Variants in ADGRE2 observed in about 807,000 individuals in gnomAD.
The protein encoded by ADGRE2 is adhesion G protein-coupled receptor E2.
Under a neutral mutation model 100.8 loss-of-function variants are expected in ADGRE2, and 83 were observed. That is an observed-to-expected ratio of 0.82 (90% CI 0.69 to 0.99). The LOEUF is 0.99. ADGRE2 is among the 50% of genes least tolerant of loss of function. ADGRE2 has a pLI of 0.00. For missense variants in ADGRE2, 814 were observed against 1,035.7 expected, an observed-to-expected ratio of 0.79 and a Z score of 2.94; for synonymous variants, 355 against 413.0, an observed-to-expected ratio of 0.86 and a Z score of 1.70.
chr19:14,763,877 C>G (rs1056512293), intron 11 of ADGRE2, among the ~76,000 whole-genome samples: 11 of 105,860 alleles, frequency 1.0e-4, no homozygotes, highest in Admixed American at 5.4e-4. Context: ...CTCCTCCTCC[C>G]GTCCTCTTCC....
In ADGRE2 at chr19:14,735,999, C is replaced by T; in HGVS notation, c.*237G>A. On this transcript the variant is annotated 3_prime_UTR_variant, in exon 21 of 21. Transcript: ENST00000315576. ...TGCTTCAGAGTGACCAAGATATGGG[C>T]CACAGCTGGCCGTCCATATGCTGAG... The T allele has an allele frequency of 2.2e-6, 1 of 450,756 alleles. No homozygotes were observed. Among genetic ancestry groups the T allele is most frequent in the Non-Finnish European group, 4.1e-6 (1 of 241,398 alleles). 27.9% of individuals were successfully genotyped at this position (450,756 alleles called of 1,614,324 possible).
intron 11 of ADGRE2, among the ~76,000 whole-genome samples, chr19:14,761,948 AGTT>A (rs1448698226): frequency 6.6e-6 from 1 of 152,066 alleles, no homozygotes; most frequent in African/African-American, 2.4e-5. Context: ...CAAGAGAGAG[AGTT>A]GTTCTCCTTT....
chr19:14,777,026 TCAG>T, intron 1 of ADGRE2, 99 bp from the exon 2 acceptor site: 1 of 1,151,558 alleles, frequency 8.7e-7, no homozygotes, highest in Non-Finnish European at 1.1e-6. Context: ...GTGTACTCGC[TCAG>T]CAAGAATGAA....
At chr19:14,731,085 C>T, downstream of ADGRE2, 1 of 1,187,210 alleles carries the variant, frequency 8.4e-7, no homozygotes, top group Non-Finnish European at 1.2e-6. Context: ...CACCGCCCCT[C>T]CTGCCCCCTC....
At chr19:14,765,435 ACGG>A (rs2043921888) in intron 9 of ADGRE2, 38 bp from the exon 10 acceptor site, 1 of 1,613,730 alleles carries the variant, frequency 6.2e-7, no homozygotes, top group African/African-American at 1.3e-5. Flanking sequence ...GAGAGCCTGG[ACGG>A]CGGGTGGGAA....
intron 20 of ADGRE2, among the ~76,000 whole-genome samples, chr19:14,743,204 C>T (rs1181132383): frequency 6.6e-6 from 1 of 151,928 alleles, no homozygotes; most frequent in Non-Finnish European, 1.5e-5. Context: ...CTCCCAAATG[C>T]TGGGATGACA....
chr19:14,727,028 T>G, the ADGRE2 span, among the ~76,000 whole-genome samples: 1 of 62,424 alleles, frequency 1.6e-5, no homozygotes, highest in South Asian at 8.9e-4. Context: ...AAGAGGCTTT[T>G]TTTTTTTTTT....
intron 6 of ADGRE2, 99 bp from the exon 7 acceptor site, chr19:14,766,480 T>C: frequency 1.4e-6 from 2 of 1,394,450 alleles, no homozygotes; most frequent in Non-Finnish European, 1.9e-6. Context: ...TGCCTCAGAC[T>C]GAAGACCATT....
At chr19:14,757,163 C>G (rs2043529198) in intron 11 of ADGRE2, among the ~76,000 whole-genome samples, 1 of 152,142 alleles carries the variant, frequency 6.6e-6, no homozygotes, top group African/African-American at 2.4e-5. Context: ...TTGGTGGCCT[C>G]TGACAATATT....
chr19:14,728,904 T>C (rs2042650087), downstream of ADGRE2, among the ~76,000 whole-genome samples: 1 of 152,114 alleles, frequency 6.6e-6, no homozygotes. Flanking sequence ...TCCATGTCCT[T>C]CCCCCATGGG....
intron 11 of ADGRE2, among the ~76,000 whole-genome samples, chr19:14,760,989 C>T (rs2043698851): frequency 6.6e-6 from 1 of 152,106 alleles, no homozygotes; most frequent in African/African-American, 2.4e-5. Flanking sequence ...TTAAATCTAC[C>T]TATAATCTGG....
chr19:14,754,591 A>G lies in ADGRE2; in HGVS notation c.1590+363T>C, dbSNP rs184243134. On this transcript the variant is annotated intron_variant, in intron 14 of 20. Coordinates refer to ENST00000315576, the MANE Select transcript of ADGRE2 (RefSeq NM_013447.4). ...TCCTTGTCCTCCAGATAGGAATGCTAGAAGTTTGCCAGAGGGTCATGTGAG... is the reference window on the plus strand; with the variant it reads ...TCCTTGTCCTCCAGATAGGAATGCTGGAAGTTTGCCAGAGGGTCATGTGAG... 3.7e-3 allele frequency among the ~76,000 whole-genome samples: 562 copies of G among 152,266 alleles called. 3 individuals carry two copies. The highest frequency in any genetic ancestry group is 0.013 in the African/African-American group (543 of 41,546).
intron 18 of ADGRE2, among the ~76,000 whole-genome samples, chr19:14,745,521 G>A (rs1414271263): frequency 6.6e-6 from 1 of 152,122 alleles, no homozygotes; most frequent in Non-Finnish European, 1.5e-5. Flanking sequence ...CTGACTGTAT[G>A]TTGTACCCAT....
chr19:14,776,650 C>A, intron 2 of ADGRE2, 76 bp downstream of exon 2: 2 of 1,508,076 alleles, frequency 1.3e-6, no homozygotes, highest in Non-Finnish European at 1.8e-6. Context: ...CGGCGCCTCC[C>A]GTTTCTCAGA....
chr19:14,772,819 C>A (rs2044259218), intron 4 of ADGRE2, among the ~76,000 whole-genome samples: 1 of 151,222 alleles, frequency 6.6e-6, no homozygotes, highest in South Asian at 2.1e-4. Flanking sequence ...GTGGCTCATA[C>A]CTGTAATCCC....
intron 5 of ADGRE2, among the ~76,000 whole-genome samples, chr19:14,769,307 C>A (rs2044107925): frequency 6.6e-6 from 1 of 152,104 alleles, no homozygotes; most frequent in Non-Finnish European, 1.5e-5. Flanking sequence ...TTGGAAGTGA[C>A]CCTCTGTGGA....
In ADGRE2 at chr19:14,752,353, C is replaced by T. The variant is rs778688628; in HGVS notation, c.1764G>A (p.Val588=). 45 of 1,613,994 alleles carry T rather than the reference C, an allele frequency of 2.8e-5. No homozygotes were observed. The Middle Eastern group carries it at 6.6e-4, about 24-fold the overall frequency. ...CCTTGTGTCCGGTTTGATCAATTGC[C>T]ACGAGGAAGAGGAGGTGGGCCAGGA... The part of the protein sequence containing the change: ...CLFLAHLLFL[V]AIDQTGHKVL... The change falls in exon 15 of 21, where the codon GTG becomes GTA. Residue 588 remains valine, a synonymous_variant. Transcript: ENST00000315576.
At position 14,755,094 on chromosome 19, in the gene ADGRE2, A is replaced by G; in HGVS notation, c.1450T>C (p.Phe484Leu). The G allele has an allele frequency of 1.2e-6, 2 of 1,614,028 alleles. No homozygotes were observed. The highest frequency in any genetic ancestry group is 1.7e-6 in the Non-Finnish European group (2 of 1,179,998). ...VIPRQKVLCV[F>L]WEHGQNGCGH... is the part of the protein sequence containing the mutation. The stretch of plus-strand genomic sequence containing the variant: ...CATCCATTCTGGCCATGCTCCCAGA[A>G]GACACAGAGCACCTTCTGTCTCGGG... The change falls in exon 14 of 21, where the codon TTC (phenylalanine) becomes CTC (leucine). Residue 484 changes from phenylalanine (F) to leucine (L), a missense_variant. Physicochemically the swap from Phe to Leu is conservative, Grantham distance 22. Around this residue, in one of 5 missense-constraint regions of ADGRE2, gnomAD observed 569 missense variants for 692.7 expected, o/e 0.82. Coordinates refer to ENST00000315576, the MANE Select transcript of ADGRE2 (RefSeq NM_013447.4).
rs2043926438 is a variant in ADGRE2 at position 14,765,518 on chromosome 19, A to G, written c.828+6T>C. ...CCGCCGCCTCGTCCCTGTGGGGGCCACTCACCTGGCTGTGGACTCCAGGGG... is the reference window on the plus strand; with the variant it reads ...CCGCCGCCTCGTCCCTGTGGGGGCCGCTCACCTGGCTGTGGACTCCAGGGG... On this transcript the variant is annotated splice_donor_region_variant and intron_variant, in intron 9 of 20. Transcript: ENST00000315576. 3 of 1,613,642 alleles carry G rather than the reference A, an allele frequency of 1.9e-6. No individual in the cohort carries two copies. The highest frequency in any genetic ancestry group is 1.3e-5 in the African/African-American group (1 of 75,066).
Sources: gnomAD v4.1 joint callset for allele counts (sites outside exome capture counted in the v4.1 genomes callset) on GRCh38, gnomAD v4.1.1 for gene constraint, gnomAD v4.1.1 regional missense constraint, MANE v1.5 for transcripts, NCBI Gene and HGNC (gene_info 2026-07-23, HGNC 2026-07-21) for gene names.